The following MICALL1 variants were observed in gnomAD, a reference collection of about 807,000 sequenced individuals.
MICALL1 encodes the protein MICAL-like protein 1.
Under a neutral mutation model 83.7 loss-of-function variants are expected in MICALL1, and 61 were observed. The observed-to-expected ratio is 0.73, with a 90% CI of 0.59 to 0.90. MICALL1 has a LOEUF of 0.90. MICALL1 is among the 40% of genes least tolerant of loss of function. The probability of loss-of-function intolerance (pLI) is 0.00; values close to 1 mark genes in which losing one functional copy is unlikely to be tolerated. For synonymous variants in MICALL1, 481 were observed against 473.6 expected (o/e 1.02, Z -0.20); for missense variants, 1,066 against 1,152.0 (o/e 0.93, Z 1.08).
intron 3 of MICALL1, 123 bp downstream of exon 3, chr22:37,912,615 T>G: frequency 2.2e-6 from 2 of 895,612 alleles, no homozygotes; most frequent in Non-Finnish European, 3.2e-6. Flanking sequence ...ATTCATTTAC[T>G]TATTCATTAA....
At chr22:37,933,233 AG>A in intron 13 of MICALL1, 121 bp downstream of exon 13, 1 of 1,023,842 alleles carries the variant, frequency 9.8e-7, no homozygotes, top group Middle Eastern at 2.5e-4. Context: ...ACAGGGCCAG[AG>A]GAGGAGGTGC....
rs1229669112 is a variant in MICALL1, at chr22:37,932,937, G to A, written c.2234+49G>A. ...CCCTCCCTGGAATCCGTAGAGCTTA[G>A]AATGGAGAACCCTTACCCTCTTCCC... On this transcript the variant is annotated intron_variant, in intron 12 of 15. Transcript: ENST00000215957. This position sits in a 1 kb window ranked among gnomAD's most constrained non-coding sequence, Gnocchi z 4.4. 6.2e-7 allele frequency: 1 copy of A among 1,612,910 alleles called. No homozygotes were observed. Among genetic ancestry groups the A allele is most frequent in the South Asian group, 1.1e-5 (1 of 91,078 alleles).
At chr22:37,922,534 G>GTGTGC (rs1368622768) in intron 6 of MICALL1, 108 bp downstream of exon 6, 13 of 742,398 alleles carry the variant, frequency 1.8e-5, no homozygotes, top group Non-Finnish European at 2.5e-5. Context: ...CTGTGCCATT[G>GTGTGC]TGTGCTGTGC....
chr22:37,918,754 G>A (rs1928832677), intron 4 of MICALL1, among the ~76,000 whole-genome samples: 1 of 152,224 alleles, frequency 6.6e-6, no homozygotes, highest in African/African-American at 2.4e-5. Context: ...GGGGAGGGAA[G>A]CCTCAGAAAC....
intron 1 of MICALL1, among the ~76,000 whole-genome samples, chr22:37,909,722 C>T (rs559792350): frequency 3.4e-4 from 52 of 152,310 alleles, no homozygotes; most frequent in African/African-American, 1.2e-3. Flanking sequence ...AGGGTGGCTC[C>T]GCTTCTGAGA....
chr22:37,909,096 A>C (rs2145872241), intron 1 of MICALL1, among the ~76,000 whole-genome samples: 1 of 152,276 alleles, frequency 6.6e-6, no homozygotes, highest in East Asian at 1.9e-4. Context: ...CCTGTCACCC[A>C]GGCTGGAGTG....
intron 9 of MICALL1, among the ~76,000 whole-genome samples, chr22:37,931,361 G>C (rs765051508): frequency 2.0e-5 from 3 of 151,816 alleles, no homozygotes; most frequent in Non-Finnish European, 2.9e-5. Flanking sequence ...GGGCAACAAA[G>C]TGAGAACCTG....
chr22:37,916,130 C>T (rs1928661954), intron 3 of MICALL1, among the ~76,000 whole-genome samples: 1 of 152,186 alleles, frequency 6.6e-6, no homozygotes, highest in South Asian at 2.1e-4. Context: ...GTACGCAGCT[C>T]ATTCGTTGGC....
intron 8 of MICALL1, chr22:37,927,071 G>C (rs1281170231): frequency 3.0e-6 from 1 of 333,914 alleles, no homozygotes; most frequent in East Asian, 4.6e-5. Context: ...CTCTGCCTCC[G>C]CACTGCAGAT....
At position 37,921,953 on chromosome 22, in the gene MICALL1, C is replaced by T. The variant is rs762471265; in HGVS notation, c.570-19C>T. On this transcript the variant is annotated intron_variant, in intron 5 of 15. Coordinates refer to ENST00000215957, the MANE Select transcript of MICALL1 (RefSeq NM_033386.4). ...CCCAGCTGCCTGGCTAAGTGAACCCCTGTCCTGTCCCCTGCCAGGTGTCGG... is the reference window on the plus strand; with the variant it reads ...CCCAGCTGCCTGGCTAAGTGAACCCTTGTCCTGTCCCCTGCCAGGTGTCGG... 1.9e-6 allele frequency: 3 copies of T among 1,542,072 alleles called. No homozygotes were observed. The highest frequency in any genetic ancestry group is 2.6e-6 in the Non-Finnish European group (3 of 1,141,714).
chr22:37,917,231 G>A (rs1418110002), intron 3 of MICALL1, among the ~76,000 whole-genome samples: 1 of 152,130 alleles, frequency 6.6e-6, no homozygotes, highest in Non-Finnish European at 1.5e-5. Context: ...GAGGGGGTGT[G>A]CAGGCCGGGT....
intron 1 of MICALL1, among the ~76,000 whole-genome samples, chr22:37,909,007 G>A (rs1175406593): frequency 6.6e-6 from 1 of 152,134 alleles, no homozygotes; most frequent in African/African-American, 2.4e-5. Context: ...GCTTTTGCTG[G>A]CTAAGGAGCA....
intron 15 of MICALL1, among the ~76,000 whole-genome samples, chr22:37,939,826 C>T (rs542594156): frequency 3.2e-4 from 48 of 148,788 alleles, no homozygotes; most frequent in Non-Finnish European, 6.1e-4. Flanking sequence ...CGGTGGCTCA[C>T]GCCTGTAATC....
In MICALL1 at chr22:37,937,072, C is replaced by A; in HGVS notation, c.2309-8C>A. ...CACTCATGCCCCCTAACTTTTCTCC[C>A]TGGGCAGAAAAGGACTGGACGGAGG... On this transcript the variant is annotated splice_region_variant and splice_polypyrimidine_tract_variant and intron_variant, in intron 13 of 15. Transcript: ENST00000215957. 1.3e-6 allele frequency: 2 copies of A among 1,551,122 alleles called. No individual in the cohort carries two copies. The highest frequency in any genetic ancestry group is 1.7e-6 in the Non-Finnish European group (2 of 1,146,602).
intron 3 of MICALL1, among the ~76,000 whole-genome samples, chr22:37,913,445 C>T (rs139412332): frequency 2.6e-5 from 4 of 152,272 alleles, no homozygotes; most frequent in South Asian, 2.1e-4. Flanking sequence ...TCCACCTCCC[C>T]GGCACCCACC....
chr22:37,912,599 T>C, intron 3 of MICALL1, 107 bp downstream of exon 3: 1 of 1,060,646 alleles, frequency 9.4e-7, no homozygotes, highest in Non-Finnish European at 1.3e-6. Flanking sequence ...TGCTGAGGAG[T>C]GTGTCATTCA....
intron 4 of MICALL1, 143 bp downstream of exon 4, chr22:37,917,938 T>C (rs539095949): frequency 1.6e-5 from 12 of 729,868 alleles, no homozygotes; most frequent in African/African-American, 3.5e-5. Flanking sequence ...CCCTGCCCTA[T>C]TGGCTTTGGG....
At chr22:37,918,421 A>G (rs1928810975) in intron 4 of MICALL1, among the ~76,000 whole-genome samples, 2 of 152,168 alleles carry the variant, frequency 1.3e-5, no homozygotes, top group South Asian at 2.1e-4. Flanking sequence ...TCCTGCTCCC[A>G]TCTGCTCTTT....
Position 37,906,736 on chromosome 22 carries a change from GC to G in MICALL1, c.146+171del. On this transcript the variant is annotated intron_variant, in intron 1 of 15. Coordinates refer to ENST00000215957, the MANE Select transcript of MICALL1 (RefSeq NM_033386.4). This position sits in a 1 kb window ranked among gnomAD's most constrained non-coding sequence, Gnocchi z 4.4. The stretch of plus-strand genomic sequence containing the variant: ...CGCCGGGCGGGTCCCTGAGACCCCG[GC>G]CCAGGGCGCCCCTCCCCCGCCCGGC... 1 of 435,320 alleles carries G rather than the reference GC, an allele frequency of 2.3e-6. No individual in the cohort carries two copies. Among genetic ancestry groups the G allele is most frequent in the Non-Finnish European group, 3.3e-6 (1 of 305,086 alleles). The allele number at this position is 435,320 out of a possible 1,614,324, so 27.0% of individuals were successfully genotyped here.
Sources: gnomAD v4.1 joint callset for allele counts (sites outside exome capture counted in the v4.1 genomes callset) on GRCh38, gnomAD v4.1.1 for gene constraint, Gnocchi (gnomAD v3.1) non-coding constraint, MANE v1.5 for transcripts, NCBI Gene and HGNC (gene_info 2026-07-23, HGNC 2026-07-21) for gene names.